Variants in EMC2 observed in about 807,000 individuals in gnomAD.
The protein encoded by EMC2 is TPR repeat protein 35.
EMC2 carries 37 observed loss-of-function variants against 51.6 expected under a neutral mutation model. The ratio of observed to expected loss-of-function variants is 0.72; its 90% CI spans 0.55 to 0.94. The LOEUF (loss-of-function observed/expected upper bound fraction) is 0.94, where lower values mean the gene tolerates loss of function less well. Among genes scored for constraint, EMC2 ranks in the 40% least tolerant of loss-of-function variants. EMC2 has a pLI of 0.00. For missense variants in EMC2, 359 were observed against 350.9 expected (o/e 1.02, Z -0.18); for synonymous variants, 131 against 112.4 (o/e 1.17, Z -1.04).
intron 3 of EMC2, 52 bp downstream of exon 3, chr8:108,450,544 G>A (rs778034160): frequency 5.5e-5 from 59 of 1,077,734 alleles, no homozygotes; most frequent in Middle Eastern, 4.0e-4. Flanking sequence ...ATTGTATACC[G>A]TAGTTAAGAC....
intron 10 of EMC2, among the ~76,000 whole-genome samples, chr8:108,485,507 ATAAT>A (rs1389380566): frequency 1.4e-4 from 20 of 138,048 alleles, no homozygotes; most frequent in African/African-American, 5.4e-4. Context: ...TACATAATAT[ATAAT>A]TAATATATAT....
At chr8:108,485,049 C>T (rs1811109532) in intron 10 of EMC2, among the ~76,000 whole-genome samples, 1 of 151,790 alleles carries the variant, frequency 6.6e-6, no homozygotes, top group African/African-American at 2.4e-5. Context: ...GATTCAGCTA[C>T]AGAAACTAAT....
chr8:108,464,924 C>G (rs1033112624), intron 5 of EMC2, among the ~76,000 whole-genome samples: 5 of 152,166 alleles, frequency 3.3e-5, no homozygotes, highest in Non-Finnish European at 5.9e-5. Flanking sequence ...GGCAGGGAAC[C>G]TGGATTCTCC....
intron 10 of EMC2, among the ~76,000 whole-genome samples, chr8:108,482,547 C>A (rs1390386340): frequency 6.6e-6 from 1 of 151,908 alleles, no homozygotes; most frequent in African/African-American, 2.4e-5. Context: ...CGTATTTAAT[C>A]CACAACCCAT....
At chr8:108,448,607 C>G (rs1391615218) in intron 1 of EMC2, among the ~76,000 whole-genome samples, 1 of 152,186 alleles carries the variant, frequency 6.6e-6, no homozygotes, top group African/African-American at 2.4e-5. Flanking sequence ...TTCTTGTCTT[C>G]TGCCATCATT....
At chr8:108,470,882 C>T (rs1810842291) in intron 7 of EMC2, 1 of 151,692 alleles carries the variant, frequency 6.6e-6, no homozygotes, top group Non-Finnish European at 1.5e-5. Flanking sequence ...TGCGCATTTT[C>T]TTGTGCATGA....
rs575463318 is a variant in EMC2, at chr8:108,444,923, T to C, written c.40+1225T>C. ...CAGTTTTAAAAGGCTTGTGTCAGGG[T>C]ATCTTCCGTAAGCTGAGTCGTAGAT... On this transcript the variant is annotated intron_variant, in intron 1 of 10. Coordinates refer to ENST00000220853, the MANE Select transcript of EMC2 (RefSeq NM_014673.5). 2.0e-5 allele frequency among the ~76,000 whole-genome samples: 3 copies of C among 152,358 alleles called. No homozygotes were observed. In the East Asian group the frequency reaches 5.8e-4, roughly 29 times the overall value.
intron 10 of EMC2, 85 bp from the exon 11 acceptor site, chr8:108,486,427 T>G (rs10111934): frequency 0.64 from 907,831 of 1,420,050 alleles, 292,765 homozygotes; most frequent in African/African-American, 0.81. Context: ...CAATGTTAAG[T>G]TTCATTAACA....
At chr8:108,472,856 G>A (rs141756740) in intron 7 of EMC2, among the ~76,000 whole-genome samples, 1 of 151,980 alleles carries the variant, frequency 6.6e-6, no homozygotes, top group African/African-American at 2.4e-5. Flanking sequence ...TAGGTCGCAG[G>A]CAGCTTTGGT....
At chr8:108,477,140 A>G (rs1484807640) in intron 9 of EMC2, among the ~76,000 whole-genome samples, 1 of 152,022 alleles carries the variant, frequency 6.6e-6, no homozygotes, top group East Asian at 1.9e-4. Context: ...CCCTTATAAA[A>G]TTAAATAGTG....
intron 1 of EMC2, among the ~76,000 whole-genome samples, chr8:108,444,079 G>T (rs906949666): frequency 6.6e-6 from 1 of 152,234 alleles, no homozygotes; most frequent in Non-Finnish European, 1.5e-5. Flanking sequence ...GAAACACAGG[G>T]CCTGTAAGGC....
In EMC2 at chr8:108,486,609, ACT is replaced by A; in HGVS notation, c.*14_*15del. On this transcript the variant is annotated 3_prime_UTR_variant, in exon 11 of 11. Coordinates refer to ENST00000220853, the MANE Select transcript of EMC2 (RefSeq NM_014673.5). ...ATCACCCAGTCTTAAGGTTTCAAAA[ACT>A]CTTTGACATTAGATTTCACAACTGC... The A allele has an allele frequency of 6.3e-7, 1 of 1,585,494 alleles. No individual in the cohort carries two copies. Among genetic ancestry groups the A allele is most frequent in the Non-Finnish European group, 8.6e-7 (1 of 1,169,560 alleles).
Position 108,449,884 on chromosome 8 carries a change from G to T in EMC2, c.102G>T (p.Val34=). 3.1e-6 allele frequency: 5 copies of T among 1,597,084 alleles called. No homozygotes were observed. Among genetic ancestry groups the T allele is most frequent in the Non-Finnish European group, 4.3e-6 (5 of 1,166,128 alleles). ...ACTCAAGAAATAGTGAGCAAATTGT[G>T]GAAGTTGGAGAAGAATTAATTAATG... ...EENSRNSEQI[V]EVGEELINEY... is the part of the protein sequence containing the mutation. The change falls in exon 2 of 11, where the codon GTG becomes GTT. Residue 34 remains valine, a synonymous_variant. Transcript: ENST00000220853.
chr8:108,462,776 T>C (rs951372600), intron 5 of EMC2, among the ~76,000 whole-genome samples: 1 of 151,874 alleles, frequency 6.6e-6, no homozygotes, highest in East Asian at 1.9e-4. Context: ...TCGCTCTGTC[T>C]CCCAGGCTGG....
intron 10 of EMC2, 24 bp from the exon 11 acceptor site, chr8:108,486,488 C>T (rs1247398238): frequency 1.9e-4 from 257 of 1,324,848 alleles, no homozygotes; most frequent in East Asian, 1.5e-3. Flanking sequence ...CCTAATTGAG[C>T]TTTTTTTTTT....
At chr8:108,464,380 C>T (rs1241789634) in intron 5 of EMC2, among the ~76,000 whole-genome samples, 1 of 152,214 alleles carries the variant, frequency 6.6e-6, no homozygotes, top group Non-Finnish European at 1.5e-5. Flanking sequence ...ATACGCCAGC[C>T]TGCTTGTGCC....
intron 5 of EMC2, among the ~76,000 whole-genome samples, chr8:108,456,359 A>AAAAAAAC (rs1819158373): frequency 6.7e-6 from 1 of 150,052 alleles, no homozygotes; most frequent in African/African-American, 2.5e-5. Flanking sequence ...AAAAAAAAAA[A>AAAAAAAC]AACAACTTCT....
At chr8:108,481,876 GTTCA>G (rs1443759216) in intron 10 of EMC2, among the ~76,000 whole-genome samples, 2 of 151,996 alleles carry the variant, frequency 1.3e-5, no homozygotes, top group South Asian at 2.1e-4. Context: ...TGTGTCTGTA[GTTCA>G]TTCATTTTCT....
intron 5 of EMC2, among the ~76,000 whole-genome samples, chr8:108,463,738 C>T (rs1268009148): frequency 6.6e-6 from 1 of 152,032 alleles, no homozygotes; most frequent in Non-Finnish European, 1.5e-5. Flanking sequence ...TCAGGCTTCT[C>T]ACAGTGGTTA....
Sources: gnomAD v4.1 joint callset for allele counts (sites outside exome capture counted in the v4.1 genomes callset) on GRCh38, gnomAD v4.1.1 for gene constraint, MANE v1.5 for transcripts, NCBI Gene and HGNC (gene_info 2026-07-23, HGNC 2026-07-21) for gene names.